CKMT2: variants seen among roughly 807,000 people sequenced by gnomAD.
CKMT2 encodes creatine kinase, mitochondrial 2.
Under a neutral mutation model 48.9 loss-of-function variants are expected in CKMT2, and 43 were observed. The ratio of observed to expected loss-of-function variants is 0.88; its 90% CI spans 0.69 to 1.13. CKMT2 has a LOEUF of 1.13. CKMT2 is among the 50% of genes most tolerant of loss of function. CKMT2 has a pLI of 0.00. For missense variants in CKMT2, 472 were observed against 555.4 expected (o/e 0.85, Z 1.51); for synonymous variants, 206 against 213.0 (o/e 0.97, Z 0.29).
In CKMT2 at chr5:81,259,168, C is replaced by A. The variant is rs780793438; in HGVS notation, c.928C>A (p.Arg310Ser). ...AGGCTGGGAGTTCATGTGGAATGAG[C>A]GCCTAGGATACATTTTGACCTGTCC... The part of the protein sequence containing the change: ...ERGWEFMWNE[R>S]LGYILTCPSN... Residue 310 changes from arginine to serine, a missense_variant, in exon 8 of 10, where the codon CGC (arginine) becomes AGC (serine). Coordinates refer to ENST00000254035, the MANE Select transcript of CKMT2 (RefSeq NM_001099735.2). 1 of 1,613,874 alleles carries A rather than the reference C, an allele frequency of 6.2e-7. No homozygotes were observed. The highest frequency in any genetic ancestry group is 1.7e-4 in the Middle Eastern group (1 of 6,060).
intron 1 of CKMT2, among the ~76,000 whole-genome samples, 165 bp from the exon 2 acceptor site, chr5:81,250,948 C>CACACACACACAG: frequency 6.9e-6 from 1 of 145,804 alleles, no homozygotes; most frequent in African/African-American, 2.6e-5. Flanking sequence ...AAAACACACA[C>CACACACACACAG]ACACACACAC....
chr5:81,235,345 G>A (rs191276355), intron 1 of CKMT2, among the ~76,000 whole-genome samples: 154 of 152,262 alleles, frequency 1.0e-3, no homozygotes, highest in African/African-American at 3.4e-3. Context: ...CATTTTCTGC[G>A]GCCTAGGAGC....
chr5:81,263,511 C>A lies in CKMT2; in HGVS notation c.1035C>A (p.Ile345=). The A allele has an allele frequency of 6.2e-7, 1 of 1,612,728 alleles. No individual in the cohort carries two copies. The highest frequency in any genetic ancestry group is 8.5e-7 in the Non-Finnish European group (1 of 1,179,198). Residue 345 remains isoleucine (I), a synonymous_variant, in exon 9 of 10, where the codon ATC becomes ATA. Transcript: ENST00000254035. ...KLSKDPRFSK[I]LENLRLQKRG... ...CCTAGGACCCACGCTTTTCTAAGAT[C>A]CTGGAAAACCTAAGACTCCAGAAGC...
chr5:81,254,205 CTTGTTGTTG>C (rs112071184), intron 3 of CKMT2, among the ~76,000 whole-genome samples, 182 bp from the exon 4 acceptor site: 2,686 of 152,170 alleles, frequency 0.018, 70 homozygotes, highest in African/African-American at 0.06. Flanking sequence ...GGCTTTCTCT[CTTGTTGTTG>C]TTGTTGTTGT....
At chr5:81,236,983 C>T (rs1197081562) in intron 1 of CKMT2, among the ~76,000 whole-genome samples, 2 of 152,098 alleles carry the variant, frequency 1.3e-5, no homozygotes, top group Non-Finnish European at 2.9e-5. Flanking sequence ...AATCCCATCT[C>T]TACTAAAAGT....
chr5:81,266,044 G>C (rs1256631137), intron 9 of CKMT2, 95 bp from the exon 10 acceptor site: 2 of 1,090,454 alleles, frequency 1.8e-6, no homozygotes, highest in Non-Finnish European at 2.7e-6. Flanking sequence ...CCATCTAAGT[G>C]GCAAGTTCTC....
intron 7 of CKMT2, 53 bp from the exon 8 acceptor site, chr5:81,259,067 A>G (rs1580454851): frequency 1.3e-6 from 2 of 1,569,136 alleles, no homozygotes; most frequent in East Asian, 4.5e-5. Context: ...GATGTGCTGA[A>G]TGAATGGATG....
intron 1 of CKMT2, among the ~76,000 whole-genome samples, chr5:81,233,634 C>T (rs541597112): frequency 4.0e-4 from 61 of 152,174 alleles, no homozygotes; most frequent in Non-Finnish European, 6.3e-4. Context: ...CCTGCAGGGC[C>T]TCTTTTTGGT....
chr5:81,263,637 C>A lies in CKMT2; in HGVS notation c.1140+21C>A, dbSNP rs781420640. ...CAGAGGTAACGTCTCTCTCACTTTC[C>A]TAACATGAACTAACAAAATCAGCCT... On this transcript the variant is annotated intron_variant, in intron 9 of 9. Transcript: ENST00000254035. The A allele has an allele frequency of 3.2e-6, 5 of 1,584,698 alleles. No individual in the cohort carries two copies. The African/African-American group carries it at 4.1e-5, about 13-fold the overall frequency.
At chr5:81,265,408 G>A (rs908390550) in intron 9 of CKMT2, among the ~76,000 whole-genome samples, 1 of 152,092 alleles carries the variant, frequency 6.6e-6, no homozygotes, top group Non-Finnish European at 1.5e-5. Context: ...TTCCATCCTT[G>A]CTGCTCATTC....
At chr5:81,265,990 A>C in intron 9 of CKMT2, 149 bp from the exon 10 acceptor site, 1 of 638,530 alleles carries the variant, frequency 1.6e-6, no homozygotes, top group East Asian at 2.7e-5. Flanking sequence ...AAACCCTTAT[A>C]TCTCTGCCTT....
rs769841030 is a variant in CKMT2 at position 81,266,186 on chromosome 5, T to C, written c.1188T>C (p.Asp396=). Residue 396 remains aspartate, a synonymous_variant, in exon 10 of 10, where the codon GAT becomes GAC. Transcript: ENST00000254035. ...IVIDGVNYLV[D]CEKKLERGQD... ...TCGATGGAGTCAATTACCTGGTGGATTGTGAAAAGAAGTTGGAGAGAGGCC... is the reference window on the plus strand; with the variant it reads ...TCGATGGAGTCAATTACCTGGTGGACTGTGAAAAGAAGTTGGAGAGAGGCC... The C allele has an allele frequency of 2.5e-6, 4 of 1,613,120 alleles. No individual in the cohort carries two copies. The highest frequency in any genetic ancestry group is 3.4e-6 in the Non-Finnish European group (4 of 1,179,174).
At chr5:81,237,569 T>C (rs1286387342) in intron 1 of CKMT2, 1 of 152,200 alleles carries the variant, frequency 6.6e-6, no homozygotes, top group Non-Finnish European at 1.5e-5. Flanking sequence ...AATTTTCTTT[T>C]TTAGGTTTTT....
intron 9 of CKMT2, among the ~76,000 whole-genome samples, chr5:81,265,342 T>C (rs975770217): frequency 6.6e-6 from 1 of 152,176 alleles, no homozygotes; most frequent in Non-Finnish European, 1.5e-5. Flanking sequence ...TATAAAGAGA[T>C]AGATAGGGAG....
In CKMT2 at chr5:81,258,734, C is replaced by T. The variant is rs147121674; in HGVS notation, c.880-386C>T. Among the ~76,000 whole-genome samples the T allele has an allele frequency of 1.0e-3, 153 of 152,220 alleles. 1 individual carries two copies. The highest frequency in any genetic ancestry group is 1.3e-3 in the Non-Finnish European group (87 of 68,016). Reference sequence around the variant, plus strand: ...GAAGCACAAACCCTATTGTGAACTGCGCATGTGAGGGATCTAGGTTGCGTG... The same window carrying T: ...GAAGCACAAACCCTATTGTGAACTGTGCATGTGAGGGATCTAGGTTGCGTG... On this transcript the variant is annotated intron_variant, in intron 7 of 9. Coordinates refer to ENST00000254035, the MANE Select transcript of CKMT2 (RefSeq NM_001099735.2).
intron 5 of CKMT2, among the ~76,000 whole-genome samples, 199 bp from the exon 6 acceptor site, chr5:81,256,716 T>G (rs1757024224): frequency 6.6e-6 from 1 of 152,218 alleles, no homozygotes; most frequent in Non-Finnish European, 1.5e-5. Flanking sequence ...GATGCCCAGA[T>G]CAGTCTATAA....
intron 9 of CKMT2, among the ~76,000 whole-genome samples, chr5:81,264,112 C>T (rs1478674842): frequency 6.6e-6 from 1 of 152,132 alleles, no homozygotes; most frequent in Non-Finnish European, 1.5e-5. Flanking sequence ...AAGATAGCAA[C>T]TATGTTATGT....
At chr5:81,250,072 C>T (rs1207223358) in intron 1 of CKMT2, among the ~76,000 whole-genome samples, 1 of 152,202 alleles carries the variant, frequency 6.6e-6, no homozygotes, top group Non-Finnish European at 1.5e-5. Flanking sequence ...TTCTCTCTTT[C>T]TGGGACTTCA....
intron 9 of CKMT2, among the ~76,000 whole-genome samples, chr5:81,264,718 G>T (rs1757334334): frequency 1.3e-5 from 2 of 152,078 alleles, no homozygotes; most frequent in Admixed American, 6.6e-5. Flanking sequence ...AAAATGTTAA[G>T]TCTAACTATA....
Sources: gnomAD v4.1 joint callset for allele counts (sites outside exome capture counted in the v4.1 genomes callset) on GRCh38, gnomAD v4.1.1 for gene constraint, MANE v1.5 for transcripts, NCBI Gene and HGNC (gene_info 2026-07-23, HGNC 2026-07-21) for gene names.